FUT9: variants seen among roughly 807,000 people sequenced by gnomAD.
The protein encoded by FUT9 is fucosyltransferase 9, also known as 4-galactosyl-N-acetylglucosaminide 3-alpha-L-fucosyltransferase 9.
Under a neutral mutation model 29.7 loss-of-function variants are expected in FUT9, and 15 were observed. That is an observed-to-expected ratio of 0.51 (90% CI 0.34 to 0.78). FUT9 has a LOEUF of 0.78. Ranked by LOEUF, FUT9 falls within the 30% of genes least tolerant of loss-of-function variation. FUT9 has a pLI of 0.01. For missense variants in FUT9, 319 were observed against 425.4 expected (o/e 0.75, Z 2.20); for synonymous variants, 169 against 153.7 (o/e 1.10, Z -0.74).
intron 2 of FUT9, among the ~76,000 whole-genome samples, chr6:96,180,434 C>T (rs1267701870): frequency 6.6e-6 from 1 of 151,948 alleles, no homozygotes. Flanking sequence ...TGCCATGTGC[C>T]CCACATAGTC....
intron 1 of FUT9, among the ~76,000 whole-genome samples, chr6:96,083,780 A>C (rs2127951589): frequency 6.6e-6 from 1 of 152,102 alleles, no homozygotes; most frequent in South Asian, 2.1e-4. Context: ...TAGCATAATA[A>C]CCCTTCAAAT....
At chr6:96,174,435 G>T (rs187514787) in intron 2 of FUT9, among the ~76,000 whole-genome samples, 3 of 152,018 alleles carry the variant, frequency 2.0e-5, no homozygotes, top group Non-Finnish European at 2.9e-5. Flanking sequence ...TAATAAGAAA[G>T]AAGTAAATTA....
intron 1 of FUT9, among the ~76,000 whole-genome samples, chr6:96,028,683 T>C (rs961967812): frequency 1.3e-5 from 2 of 151,498 alleles, no homozygotes; most frequent in African/African-American, 4.8e-5. Flanking sequence ...ATTTCCCAAA[T>C]AGACAATTAG....
intron 1 of FUT9, among the ~76,000 whole-genome samples, chr6:96,022,418 G>T (rs1770085507): frequency 6.6e-6 from 1 of 152,034 alleles, no homozygotes; most frequent in African/African-American, 2.4e-5. Context: ...TACAGAAATG[G>T]GAGTGGGAAA....
chr6:96,077,143 C>T (rs533027514), intron 1 of FUT9, among the ~76,000 whole-genome samples: 13 of 152,198 alleles, frequency 8.5e-5, no homozygotes, highest in Admixed American at 7.9e-4. Context: ...TCTTATGATG[C>T]TGTGACTTCA....
chr6:96,184,989 G>A (rs756332959), intron 2 of FUT9, among the ~76,000 whole-genome samples: 17 of 151,782 alleles, frequency 1.1e-4, no homozygotes, highest in Non-Finnish European at 2.4e-4. Flanking sequence ...TTAAGCAAAC[G>A]TTCTTAGTCT....
rs760760115 is a variant in FUT9, at chr6:96,203,959, T to C, written c.804T>C (p.Val268=). The C allele has an allele frequency of 3.1e-6, 5 of 1,613,764 alleles. No individual in the cohort carries two copies. Among genetic ancestry groups the C allele is most frequent in the Non-Finnish European group, 4.2e-6 (5 of 1,179,812 alleles). The part of the protein sequence containing the change: ...YNAFLAGSVP[V]VLGPSRENYE... ...CTTTTCTGGCTGGCTCTGTACCTGTTGTTCTGGGACCATCTAGGGAAAACT... is the reference window on the plus strand; with the variant it reads ...CTTTTCTGGCTGGCTCTGTACCTGTCGTTCTGGGACCATCTAGGGAAAACT... The change falls in exon 3 of 3, where the codon GTT becomes GTC. Residue 268 remains valine (V), a synonymous_variant. Transcript: ENST00000302103.
intron 1 of FUT9, among the ~76,000 whole-genome samples, chr6:96,031,936 T>G (rs952663589): frequency 1.3e-5 from 2 of 151,576 alleles, no homozygotes; most frequent in African/African-American, 4.8e-5. Context: ...AAATGACAAC[T>G]GAAAGATCTG....
At chr6:96,133,393 A>G (rs955901480) in intron 2 of FUT9, among the ~76,000 whole-genome samples, 10 of 151,964 alleles carry the variant, frequency 6.6e-5, no homozygotes, top group African/African-American at 2.4e-4. Flanking sequence ...AAAAAAGGAA[A>G]ACAGCAGAGA....
intron 2 of FUT9, among the ~76,000 whole-genome samples, chr6:96,197,071 C>T (rs182556789): frequency 6.6e-6 from 1 of 152,246 alleles, no homozygotes; most frequent in Admixed American, 6.5e-5. Flanking sequence ...CAGACAGAAA[C>T]TTTGTTTCTG....
At chr6:96,139,600 T>C (rs1289823960) in intron 2 of FUT9, among the ~76,000 whole-genome samples, 1 of 152,166 alleles carries the variant, frequency 6.6e-6, no homozygotes, top group Non-Finnish European at 1.5e-5. Context: ...TGCGGCAAAC[T>C]TCTGCCTGGA....
At chr6:96,096,910 G>T (rs570620987) in intron 1 of FUT9, among the ~76,000 whole-genome samples, 3 of 152,052 alleles carry the variant, frequency 2.0e-5, no homozygotes, top group African/African-American at 7.2e-5. Flanking sequence ...AATGAGGGGA[G>T]GAATTTTTAT....
At chr6:96,058,466 TCC>T in intron 1 of FUT9, among the ~76,000 whole-genome samples, 1 of 14,856 alleles carries the variant, frequency 6.7e-5, no homozygotes, top group Non-Finnish European at 1.1e-4. Flanking sequence ...CTGGCTTTAT[TCC>T]AAAAAAAAAA....
intron 1 of FUT9, among the ~76,000 whole-genome samples, chr6:96,085,517 T>A (rs1160187051): frequency 6.6e-6 from 1 of 152,196 alleles, no homozygotes; most frequent in African/African-American, 2.4e-5. Context: ...GTTTAGGATT[T>A]CAACATTTTT....
chr6:96,088,825 C>A (rs367637194), intron 1 of FUT9, among the ~76,000 whole-genome samples: 1 of 150,232 alleles, frequency 6.7e-6, no homozygotes, highest in Non-Finnish European at 1.5e-5. Context: ...GCATGACTGG[C>A]TATTTTTTAA....
At chr6:96,140,389 C>T (rs562142176) in intron 2 of FUT9, among the ~76,000 whole-genome samples, 1 of 147,872 alleles carries the variant, frequency 6.8e-6, no homozygotes. Context: ...TCTTCTGAGA[C>T]CTCCAAACTA....
chr6:96,030,212 A>G (rs1770237527), intron 1 of FUT9, among the ~76,000 whole-genome samples: 1 of 151,632 alleles, frequency 6.6e-6, no homozygotes, highest in Admixed American at 6.6e-5. Context: ...CAAAATACAC[A>G]TCATAAAGGA....
At chr6:96,125,984 G>A (rs1362922578) in intron 2 of FUT9, among the ~76,000 whole-genome samples, 1 of 152,200 alleles carries the variant, frequency 6.6e-6, no homozygotes, top group East Asian at 1.9e-4. Flanking sequence ...TTTTCAGCGA[G>A]TGAAGGTTGA....
At chr6:96,114,543 A>G (rs1771874556) in intron 2 of FUT9, among the ~76,000 whole-genome samples, 1 of 151,550 alleles carries the variant, frequency 6.6e-6, no homozygotes, top group African/African-American at 2.4e-5. Context: ...TTATCTTTTG[A>G]AAATGGGTTT....
Sources: gnomAD v4.1 joint callset for allele counts (sites outside exome capture counted in the v4.1 genomes callset) on GRCh38, gnomAD v4.1.1 for gene constraint, MANE v1.5 for transcripts, NCBI Gene and HGNC (gene_info 2026-07-23, HGNC 2026-07-21) for gene names.